Variants in KDM4C observed in about 807,000 individuals in gnomAD.
The protein encoded by KDM4C is lysine demethylase 4C.
A neutral mutation model predicts 129.3 loss-of-function variants in KDM4C; 81 were observed. The ratio of observed to expected loss-of-function variants is 0.63; its 90% confidence interval spans 0.52 to 0.75. KDM4C has a LOEUF of 0.75. Among genes scored for constraint, KDM4C ranks in the 30% least tolerant of loss-of-function variants. The pLI is 0.00. For missense variants in KDM4C, 1,457 were observed against 1,304.0 expected (o/e 1.12, Z -1.81); for synonymous variants, 573 against 456.1 (o/e 1.26, Z -3.26).
chr9:6,821,346 A>T (rs1455100897), intron 4 of KDM4C, among the ~76,000 whole-genome samples: 1 of 152,158 alleles, frequency 6.6e-6, no homozygotes. Context: ...AACAGTGTAA[A>T]AGCGTTCCTA....
intron 5 of KDM4C, among the ~76,000 whole-genome samples, chr9:6,863,955 T>G (rs961383454): frequency 2.6e-5 from 4 of 152,136 alleles, no homozygotes; most frequent in Non-Finnish European, 5.9e-5. Flanking sequence ...CACCTCCCAT[T>G]AGGCCCCACC....
At chr9:6,995,128 GT>G (rs1158463401) in intron 12 of KDM4C, among the ~76,000 whole-genome samples, 1 of 148,432 alleles carries the variant, frequency 6.7e-6, no homozygotes, top group East Asian at 2.1e-4. Context: ...TAGAGAATGG[GT>G]TTTTTCCTAG....
chr9:7,157,054 G>A (rs1217230528), intron 19 of KDM4C, among the ~76,000 whole-genome samples: 2 of 152,130 alleles, frequency 1.3e-5, no homozygotes, highest in African/African-American at 4.8e-5. Flanking sequence ...AGTTCTCCTT[G>A]AAGAGGTCCT....
chr9:6,870,169 C>T (rs181441420), intron 5 of KDM4C, among the ~76,000 whole-genome samples: 3 of 152,230 alleles, frequency 2.0e-5, no homozygotes, highest in Admixed American at 2.0e-4. Context: ...TTGCATCCCC[C>T]CTGAAAAAAA....
chr9:7,136,042 G>A (rs1313377239), intron 19 of KDM4C, among the ~76,000 whole-genome samples: 2 of 152,254 alleles, frequency 1.3e-5, no homozygotes, highest in African/African-American at 4.8e-5. Flanking sequence ...AAGCAATTGT[G>A]ATGGGCCAGA....
intron 16 of KDM4C, among the ~76,000 whole-genome samples, chr9:7,048,356 T>A (rs1037664307): frequency 6.6e-6 from 1 of 152,122 alleles, no homozygotes; most frequent in East Asian, 1.9e-4. Flanking sequence ...GAAGTAAATA[T>A]GCTTTGGCTT....
chr9:6,781,644 A>G (rs1041608833), intron 1 of KDM4C, among the ~76,000 whole-genome samples: 1 of 152,144 alleles, frequency 6.6e-6, no homozygotes, highest in Non-Finnish European at 1.5e-5. Context: ...TCATGGCACT[A>G]AATAGACCAT....
chr9:6,955,921 T>C (rs1744618850), intron 8 of KDM4C, among the ~76,000 whole-genome samples: 1 of 152,226 alleles, frequency 6.6e-6, no homozygotes, highest in Admixed American at 6.5e-5. Context: ...ACCAGTTGTC[T>C]TTAGCTAGGG....
rs370058909 is a variant in KDM4C, at chr9:6,935,556, T to C, written c.921+42324T>C. On this transcript the variant is annotated intron_variant, in intron 8 of 21. Coordinates refer to ENST00000381309, the MANE Select transcript of KDM4C (RefSeq NM_015061.6). ...CCTTGGCCTCCCAAGTAGCTGGGATTACAGGTGCGCGCCACCACGCCCGGC... is the reference window on the plus strand; with the variant it reads ...CCTTGGCCTCCCAAGTAGCTGGGATCACAGGTGCGCGCCACCACGCCCGGC... Among the ~76,000 whole-genome samples, 47 of 151,880 alleles carry C rather than the reference T, an allele frequency of 3.1e-4. No individual in the cohort carries two copies. The South Asian group carries it at 9.8e-3, about 32-fold the overall frequency.
At chr9:6,912,551 G>A (rs777127270) in intron 8 of KDM4C, among the ~76,000 whole-genome samples, 1 of 152,188 alleles carries the variant, frequency 6.6e-6, no homozygotes, top group Non-Finnish European at 1.5e-5. Flanking sequence ...TATGTGAATG[G>A]AGTAGATTGA....
At chr9:7,104,128 A>G (rs993824886) in intron 18 of KDM4C, 3 of 426,316 alleles carry the variant, frequency 7.0e-6, no homozygotes. Flanking sequence ...GCATGCAGAA[A>G]ACTCTCCATG....
intron 2 of KDM4C, 73 bp from the exon 3 acceptor site, chr9:6,805,526 A>C: frequency 1.0e-6 from 1 of 984,570 alleles, no homozygotes; most frequent in Non-Finnish European, 1.4e-6. Context: ...GTTGTAGTTT[A>C]TCAGAATACT....
chr9:6,735,719 A>T (rs560883392), intron 1 of KDM4C, among the ~76,000 whole-genome samples: 102 of 152,280 alleles, frequency 6.7e-4, no homozygotes, highest in African/African-American at 2.3e-3. Context: ...TCCCAGTGTC[A>T]GGTATGTCTT....
In KDM4C at chr9:6,766,817, C is replaced by T. The variant is rs145735590; in HGVS notation, c.-18+8614C>T. Among the ~76,000 whole-genome samples the T allele has an allele frequency of 1.5e-3, 229 of 152,056 alleles. 1 individual carries two copies. Among genetic ancestry groups the T allele is most frequent in the African/African-American group, 5.3e-3 (220 of 41,460 alleles). On this transcript the variant is annotated intron_variant, in intron 1 of 21. Transcript: ENST00000381309. ...GGCTTCCCTGACCCTTGAGCATTCA[C>T]CTCTGCTTATCAGAACATTCTTCTC... is the stretch of plus-strand genomic sequence containing the variant.
intron 17 of KDM4C, among the ~76,000 whole-genome samples, chr9:7,054,750 A>T (rs1830644095): frequency 6.6e-6 from 1 of 152,320 alleles, no homozygotes; most frequent in South Asian, 2.1e-4. Context: ...TTAATTAAAG[A>T]TCTGTGGTAT....
intron 5 of KDM4C, among the ~76,000 whole-genome samples, chr9:6,873,543 G>T (rs1057466175): frequency 6.6e-6 from 1 of 152,164 alleles, no homozygotes; most frequent in East Asian, 1.9e-4. Context: ...TTCCTGAAAC[G>T]TCATGGTGCT....
intron 19 of KDM4C, among the ~76,000 whole-genome samples, chr9:7,145,754 G>A (rs780395546): frequency 1.3e-5 from 2 of 152,226 alleles, no homozygotes; most frequent in Non-Finnish European, 2.9e-5. Flanking sequence ...TTTCGCTTAA[G>A]TTTCTTAACA....
intron 1 of KDM4C, among the ~76,000 whole-genome samples, chr9:6,782,398 A>C (rs1338149539): frequency 6.6e-6 from 1 of 152,182 alleles, no homozygotes; most frequent in Non-Finnish European, 1.5e-5. Context: ...TTCTGCTCCT[A>C]CTAACTTGGG....
At chr9:6,964,438 G>T (rs1458171305) in intron 8 of KDM4C, among the ~76,000 whole-genome samples, 1 of 152,054 alleles carries the variant, frequency 6.6e-6, no homozygotes, top group Non-Finnish European at 1.5e-5. Context: ...TTTTATGGCT[G>T]CATAGTATTC....
Sources: gnomAD v4.1 joint callset for allele counts (sites outside exome capture counted in the v4.1 genomes callset) on GRCh38, gnomAD v4.1.1 for gene constraint, MANE v1.5 for transcripts, NCBI Gene and HGNC (gene_info 2026-07-23, HGNC 2026-07-21) for gene names.